ESS2: variants seen among roughly 807,000 people sequenced by gnomAD.
The protein encoded by ESS2 is splicing factor ESS-2 homolog.
A neutral mutation model predicts 52.0 loss-of-function variants in ESS2; 31 were observed. That is an observed-to-expected ratio of 0.60 (90% CI 0.45 to 0.81). ESS2 has a LOEUF of 0.81. Among genes scored for constraint, ESS2 ranks in the 30% least tolerant of loss-of-function variants. The probability of loss-of-function intolerance (pLI) is 0.00; values close to 1 mark genes in which losing one functional copy is unlikely to be tolerated. For missense variants in ESS2, 602 were observed against 637.2 expected (o/e 0.94, Z 0.59); for synonymous variants, 285 against 259.2 (o/e 1.10, Z -0.95).
Position 19,144,342 on chromosome 22 carries a change from G to C in ESS2, c.135+164C>G, listed in dbSNP as rs2083747539. 17 of 1,434,026 alleles carry C rather than the reference G, an allele frequency of 1.2e-5. No individual in the cohort carries two copies. The South Asian group carries it at 2.2e-4, about 18-fold the overall frequency. 88.8% of individuals were successfully genotyped at this position (1,434,026 alleles called of 1,614,324 possible). ...CACTACTACAGCCTCTTCCACCACAGACGTCTTCCTCTGCCCTGTTTACTT... is the reference window on the plus strand; with the variant it reads ...CACTACTACAGCCTCTTCCACCACACACGTCTTCCTCTGCCCTGTTTACTT... On this transcript the variant is annotated intron_variant, in intron 1 of 9. Transcript: ENST00000252137.
intron 9 of ESS2, among the ~76,000 whole-genome samples, chr22:19,134,766 ACTCT>A (rs899882645): frequency 2.0e-5 from 3 of 151,914 alleles, no homozygotes; most frequent in Non-Finnish European, 4.4e-5. Flanking sequence ...GGGAACGATG[ACTCT>A]CTCCACAGGG....
intron 2 of ESS2, 27 bp from the exon 3 acceptor site, chr22:19,142,660 T>TA (rs1290855840): frequency 2.5e-6 from 4 of 1,610,812 alleles, no homozygotes; most frequent in African/African-American, 2.7e-5. Context: ...GGATAAGAAT[T>TA]AGAGTGAGCC....
At chr22:19,137,721 A>G (rs1226313553) in intron 7 of ESS2, 1 of 984,924 alleles carries the variant, frequency 1.0e-6, no homozygotes, top group African/African-American at 1.7e-5. Flanking sequence ...CAGGCCTTCC[A>G]GGGCTCCCAA....
chr22:19,134,106 T>C lies in ESS2; in HGVS notation c.*90A>G, dbSNP rs544711023. On this transcript the variant is annotated 3_prime_UTR_variant, in exon 10 of 10. Coordinates refer to ENST00000252137, the MANE Select transcript of ESS2 (RefSeq NM_022719.3). Reference sequence around the variant, plus strand: ...TGGTCAACAGCTTCTGGCCCAGGCCTGGGCCCCGAGAAGGCTGGAGTCCTC... The same window carrying C: ...TGGTCAACAGCTTCTGGCCCAGGCCCGGGCCCCGAGAAGGCTGGAGTCCTC... The C allele has an allele frequency of 2.2e-6, 3 of 1,376,966 alleles. No homozygotes were observed. In the African/African-American group the frequency reaches 4.4e-5, roughly 20 times the overall value. The allele number at this position is 1,376,966 out of a possible 1,614,324, so 85.3% of individuals were successfully genotyped here. A position where few individuals can be genotyped will look rare whatever the true frequency, so the allele number is the denominator to read the frequency against.
At position 19,135,047 on chromosome 22, in the gene ESS2, G is replaced by C. The variant is rs2083558117; in HGVS notation, c.1151+13C>G. ...CACCCTCGCACTTCCCCACCAGCCA[G>C]GCGGCCCCTCACCTGGCCAGATTCT... On this transcript the variant is annotated intron_variant, in intron 9 of 9. Coordinates refer to ENST00000252137, the MANE Select transcript of ESS2 (RefSeq NM_022719.3). 6.2e-7 allele frequency: 1 copy of C among 1,610,852 alleles called. No individual in the cohort carries two copies. The highest frequency in any genetic ancestry group is 8.5e-7 in the Non-Finnish European group (1 of 1,178,468).
At chr22:19,138,110 G>A (rs1348974411) in intron 7 of ESS2, 105 bp downstream of exon 7, 2 of 1,562,322 alleles carry the variant, frequency 1.3e-6, no homozygotes, top group East Asian at 2.3e-5. Context: ...ACAAGGTGTG[G>A]GGCAGGCCAG....
Position 19,131,930 on chromosome 22 carries a change from G to A in ESS2, c.*2266C>T, listed in dbSNP as rs1952398726. ...TCATCCTCAGCAAGACCTTCTGCGG[G>A]TCGGCAGCATATGCAGCCCCCGAGG... is the stretch of plus-strand genomic sequence containing the variant. On this transcript the variant is annotated 3_prime_UTR_variant, in exon 10 of 10. Coordinates refer to ENST00000252137, the MANE Select transcript of ESS2 (RefSeq NM_022719.3). The surrounding 1 kb of genome is among the most constrained non-coding windows in gnomAD (Gnocchi z 5.7). The A allele has an allele frequency of 6.2e-6, 10 of 1,614,142 alleles. No homozygotes were observed. The highest frequency in any genetic ancestry group is 8.5e-6 in the Non-Finnish European group (10 of 1,179,988).
intron 1 of ESS2, among the ~76,000 whole-genome samples, chr22:19,143,308 C>CAAATTCTA (rs1358759832): frequency 6.6e-6 from 1 of 152,006 alleles, no homozygotes; most frequent in Non-Finnish European, 1.5e-5. Context: ...GAACCTCCTT[C>CAAATTCTA]AAATTCTACT....
chr22:19,136,606 A>G (rs1348055051), intron 8 of ESS2, among the ~76,000 whole-genome samples: 1 of 151,852 alleles, frequency 6.6e-6, no homozygotes, highest in African/African-American at 2.4e-5. Context: ...TGGCCTGGAG[A>G]CTCGGGAAGC....
chr22:19,136,031 TAAA>T (rs377121962), intron 8 of ESS2, among the ~76,000 whole-genome samples: 3 of 92,530 alleles, frequency 3.2e-5, no homozygotes, highest in Admixed American at 2.5e-4. Context: ...CCCTATCTGT[TAAA>T]AAAAAAAAAA....
At chr22:19,142,981 T>C in intron 1 of ESS2, 87 bp from the exon 2 acceptor site, 1 of 1,340,778 alleles carries the variant, frequency 7.5e-7, no homozygotes, top group Non-Finnish European at 1.0e-6. Flanking sequence ...CCAAGGGAGG[T>C]GGATCATGAG....
chr22:19,132,101 C>T lies in ESS2; in HGVS notation c.*2095G>A. On this transcript the variant is annotated 3_prime_UTR_variant, in exon 10 of 10. Transcript: ENST00000252137. This position sits in a 1 kb window ranked among gnomAD's most constrained non-coding sequence, Gnocchi z 4.2. ...GTATCCAGAAGGAGCACCGTGTGGA[C>T]TTCCCGCGCTCCAAGAACCTGACCT... 6.2e-7 allele frequency: 1 copy of T among 1,613,080 alleles called. No individual in the cohort carries two copies. The highest frequency in any genetic ancestry group is 2.2e-5 in the East Asian group (1 of 44,844).
intron 8 of ESS2, among the ~76,000 whole-genome samples, chr22:19,135,828 G>A (rs1250670096): frequency 6.6e-6 from 1 of 151,490 alleles, no homozygotes; most frequent in Non-Finnish European, 1.5e-5. Context: ...AGGCATTGGA[G>A]ACCAGCCTGA....
At chr22:19,143,683 C>T (rs1242133980) in intron 1 of ESS2, among the ~76,000 whole-genome samples, 4 of 152,056 alleles carry the variant, frequency 2.6e-5, no homozygotes, top group South Asian at 2.1e-4. Context: ...TGGTGAAACC[C>T]CACCACTACT....
intron 8 of ESS2, 95 bp downstream of exon 8, chr22:19,137,228 G>T: frequency 1.2e-6 from 1 of 865,826 alleles, no homozygotes; most frequent in Non-Finnish European, 1.8e-6. Flanking sequence ...AGCAGCTGGG[G>T]GCCGATCCCA....
chr22:19,131,579 G>C lies in ESS2; in HGVS notation c.*2617C>G. The C allele has an allele frequency of 1.2e-6, 2 of 1,614,146 alleles. No individual in the cohort carries two copies. The highest frequency in any genetic ancestry group is 1.7e-6 in the Non-Finnish European group (2 of 1,180,038). On this transcript the variant is annotated 3_prime_UTR_variant, in exon 10 of 10. Coordinates refer to ENST00000252137, the MANE Select transcript of ESS2 (RefSeq NM_022719.3). The surrounding 1 kb of genome is among the most constrained non-coding windows in gnomAD (Gnocchi z 5.7). ...TTGTGGAGAGATTCCTTCCTCGGGA[G>C]ATGGACATCCTGGCAACTGTCAACC...
At chr22:19,144,296 G>A in intron 1 of ESS2, 3 of 1,329,014 alleles carry the variant, frequency 2.3e-6, no homozygotes, top group Middle Eastern at 2.3e-4. Context: ...AAAGAGAGCC[G>A]CTCTCTCTTT....
chr22:19,131,565 T>C lies in ESS2; in HGVS notation c.*2631A>G, dbSNP rs1189205857. The C allele has an allele frequency of 1.2e-6, 2 of 1,614,000 alleles. No homozygotes were observed. Among genetic ancestry groups the C allele is most frequent in the Non-Finnish European group, 1.7e-6 (2 of 1,180,034 alleles). ...AACACCTACTGACTTTGTGGAGAGATTCCTTCCTCGGGAGATGGACATCCT... is the reference window on the plus strand; with the variant it reads ...AACACCTACTGACTTTGTGGAGAGACTCCTTCCTCGGGAGATGGACATCCT... On this transcript the variant is annotated 3_prime_UTR_variant, in exon 10 of 10. Coordinates refer to ENST00000252137, the MANE Select transcript of ESS2 (RefSeq NM_022719.3). This position sits in a 1 kb window ranked among gnomAD's most constrained non-coding sequence, Gnocchi z 5.7.
Position 19,139,292 on chromosome 22 carries a change from C to CGTCTG in ESS2, c.689-1_689insCAGAC (p.Gly230AlafsTer33), listed in dbSNP as rs1278301211. 6.3e-7 allele frequency: 1 copy of CGTCTG among 1,587,920 alleles called. No homozygotes were observed. Among genetic ancestry groups the CGTCTG allele is most frequent in the Admixed American group, 1.7e-5 (1 of 57,282 alleles). On this transcript the variant is annotated frameshift_variant and splice_region_variant. Transcript: ENST00000252137. LOFTEE classifies it high-confidence loss of function. ...AAACAGCTGCTCCTCGTCAGGGACA[C>CGTCTG]CTGGCAGACGAAGCAAAGGTAGCAG... is the stretch of plus-strand genomic sequence containing the variant.
Sources: allele counts gnomAD v4.1 joint callset (sites outside exome capture counted in the v4.1 genomes callset), GRCh38; gene constraint gnomAD v4.1.1; non-coding constraint Gnocchi (gnomAD v3.1); transcripts MANE v1.5; gene names NCBI Gene and HGNC (gene_info 2026-07-23, HGNC 2026-07-21).